The following TARS3 variants were observed in gnomAD, a reference collection of about 807,000 sequenced individuals.
TARS3 encodes threonyl-tRNA synthetase 3.
Under a neutral mutation model 103.5 loss-of-function variants are expected in TARS3, and 94 were observed. The observed-to-expected ratio is 0.91, with a 90% CI of 0.77 to 1.08. The LOEUF (loss-of-function observed/expected upper bound fraction) is 1.08, where lower values mean the gene tolerates loss of function less well. Among genes scored for constraint, TARS3 ranks in the 50% least tolerant of loss-of-function variants. The pLI is 0.00. For missense variants in TARS3, 952 were observed against 995.2 expected, an observed-to-expected ratio of 0.96 and a Z score of 0.58; for synonymous variants, 416 against 355.4, an observed-to-expected ratio of 1.17 and a Z score of -1.92.
intron 10 of TARS3, among the ~76,000 whole-genome samples, chr15:101,697,896 A>G (rs1307461029): frequency 1.3e-5 from 2 of 152,222 alleles, no homozygotes; most frequent in Admixed American, 6.5e-5. Context: ...TGTGGCTTTT[A>G]TCTAACCGTG....
At chr15:101,715,459 A>T (rs1386243057) in intron 3 of TARS3, among the ~76,000 whole-genome samples, 2 of 152,130 alleles carry the variant, frequency 1.3e-5, no homozygotes, top group East Asian at 3.9e-4. Context: ...TTCACTGTTT[A>T]AAAAAAACTT....
intron 10 of TARS3, among the ~76,000 whole-genome samples, chr15:101,698,414 C>T (rs1270140046): frequency 6.6e-6 from 1 of 151,630 alleles, no homozygotes; most frequent in Non-Finnish European, 1.5e-5. Context: ...ACATATGGGC[C>T]ATTTCTTATG....
intron 6 of TARS3, among the ~76,000 whole-genome samples, chr15:101,706,556 G>A (rs1186828911): frequency 3.3e-5 from 5 of 152,166 alleles, no homozygotes; most frequent in African/African-American, 1.2e-4. Flanking sequence ...GGACAGTACT[G>A]TTCTAGAAGA....
At chr15:101,721,487 T>TTTG (rs1022619372) in intron 2 of TARS3, among the ~76,000 whole-genome samples, 165 bp from the exon 3 acceptor site, 1 of 152,034 alleles carries the variant, frequency 6.6e-6, no homozygotes, top group East Asian at 1.9e-4. Context: ...TGTTTTTTGG[T>TTTG]TTGTTGTTGT....
At chr15:101,665,802 C>T (rs1484245288) in intron 15 of TARS3, among the ~76,000 whole-genome samples, 3 of 152,188 alleles carry the variant, frequency 2.0e-5, no homozygotes, top group Non-Finnish European at 2.9e-5. Flanking sequence ...GGGCTAATGA[C>T]ATCTTACTGC....
intron 10 of TARS3, among the ~76,000 whole-genome samples, chr15:101,699,808 G>A (rs1460106520): frequency 6.6e-6 from 1 of 152,174 alleles, no homozygotes; most frequent in East Asian, 1.9e-4. Context: ...AATAACCAGT[G>A]CAGGCCACAT....
At chr15:101,708,982 G>A in intron 5 of TARS3, 72 bp from the exon 6 acceptor site, 1 of 959,484 alleles carries the variant, frequency 1.0e-6, no homozygotes, top group Non-Finnish European at 1.5e-6. Flanking sequence ...TTGTCCTGGA[G>A]CCTCAGCAGC....
intron 4 of TARS3, among the ~76,000 whole-genome samples, chr15:101,713,538 A>ATAGAGAGGGAGAGAAG (rs1555487928): frequency 3.3e-5 from 5 of 151,958 alleles, no homozygotes; most frequent in Non-Finnish European, 7.4e-5. Context: ...GGCAGTGGCA[A>ATAGAGAGGGAGAGAAG]TGGACAGATT....
chr15:101,676,101 C>T (rs1898015625), intron 12 of TARS3, among the ~76,000 whole-genome samples: 1 of 152,186 alleles, frequency 6.6e-6, no homozygotes, highest in African/African-American at 2.4e-5. Flanking sequence ...GAGTTGAAGG[C>T]TCCGTGGACA....
At chr15:101,699,220 C>T in intron 10 of TARS3, 1 of 284,640 alleles carries the variant, frequency 3.5e-6, no homozygotes, top group South Asian at 3.0e-5. Flanking sequence ...CATGGTAAGG[C>T]CAATTCCTTC....
chr15:101,657,737 C>T (rs763933926), intron 17 of TARS3, 48 bp downstream of exon 17: 5 of 1,305,506 alleles, frequency 3.8e-6, no homozygotes, highest in South Asian at 2.6e-5. Context: ...ATGACCTACA[C>T]AGAATACATG....
rs188089464 is a variant in TARS3 at position 101,670,806 on chromosome 15, C to T, written c.1967+680G>A. ...TCCACAATGGCACACTAGTCAGTGACAGAAAGGAACAAACTATCAATACTT... is the reference window on the plus strand; with the variant it reads ...TCCACAATGGCACACTAGTCAGTGATAGAAAGGAACAAACTATCAATACTT... On this transcript the variant is annotated intron_variant, in intron 15 of 18. Transcript: ENST00000335968. 3.3e-4 allele frequency among the ~76,000 whole-genome samples: 50 copies of T among 152,190 alleles called. 1 individual carries two copies. The East Asian group carries it at 8.7e-3, about 26-fold the overall frequency.
chr15:101,687,475 T>C (rs757007123), intron 10 of TARS3, among the ~76,000 whole-genome samples: 4 of 152,120 alleles, frequency 2.6e-5, no homozygotes, highest in Non-Finnish European at 5.9e-5. Flanking sequence ...TTTCAGATGG[T>C]TCCATATATT....
intron 4 of TARS3, among the ~76,000 whole-genome samples, chr15:101,713,112 G>T (rs1899945663): frequency 6.6e-6 from 1 of 152,186 alleles, no homozygotes; most frequent in Non-Finnish European, 1.5e-5. Context: ...CCCCACACAG[G>T]TACAGCCTAT....
At chr15:101,687,180 A>T (rs1334566559) in intron 10 of TARS3, among the ~76,000 whole-genome samples, 1 of 152,144 alleles carries the variant, frequency 6.6e-6, no homozygotes, top group Non-Finnish European at 1.5e-5. Context: ...AGGTAAGTGC[A>T]TCACCTGAGG....
At chr15:101,691,650 T>C (rs752760662) in intron 10 of TARS3, among the ~76,000 whole-genome samples, 5 of 152,208 alleles carry the variant, frequency 3.3e-5, no homozygotes, top group African/African-American at 1.2e-4. Context: ...AGGACACAAA[T>C]AGTAAAAGAG....
chr15:101,663,828 G>A (rs516667), intron 15 of TARS3, among the ~76,000 whole-genome samples: 108,111 of 152,086 alleles, frequency 0.71, 39,231 homozygotes, highest in African/African-American at 0.77. Context: ...AGTCATATTC[G>A]TCTTCTTCCC....
intron 18 of TARS3, 75 bp from the exon 19 acceptor site, chr15:101,654,805 A>G (rs1793293543): frequency 1.4e-6 from 2 of 1,415,456 alleles, no homozygotes; most frequent in Admixed American, 2.2e-5. Flanking sequence ...GTCCCATGAC[A>G]TGTTTTTATC....
chr15:101,699,286 T>G (rs1404980922), intron 10 of TARS3: 1 of 379,484 alleles, frequency 2.6e-6, no homozygotes, highest in African/African-American at 2.1e-5. Context: ...CTGTCAAATA[T>G]TCCCATTCCA....
Sources: gnomAD v4.1 joint callset for allele counts (sites outside exome capture counted in the v4.1 genomes callset) on GRCh38, gnomAD v4.1.1 for gene constraint, MANE v1.5 for transcripts, NCBI Gene and HGNC (gene_info 2026-07-23, HGNC 2026-07-21) for gene names.